The following ZBTB37 variants were observed in gnomAD, a reference collection of about 807,000 sequenced individuals.
ZBTB37 encodes the protein zinc finger and BTB domain-containing protein 37.
ZBTB37 carries 15 observed loss-of-function variants against 37.7 expected under a neutral mutation model. That is an observed-to-expected ratio of 0.40 (90% CI 0.27 to 0.61). ZBTB37 has a LOEUF of 0.61. Among genes scored for constraint, ZBTB37 ranks in the 20% least tolerant of loss-of-function variants. The pLI, the probability that ZBTB37 is intolerant of heterozygous loss-of-function variation, is 0.44. For synonymous variants in ZBTB37, 231 were observed against 220.6 expected, an observed-to-expected ratio of 1.05 and a Z score of -0.42; for missense variants, 514 against 641.9, an observed-to-expected ratio of 0.80 and a Z score of 2.15.
At chr1:173,880,899 G>A (rs955602177) in intron 4 of ZBTB37, among the ~76,000 whole-genome samples, 1 of 151,794 alleles carries the variant, frequency 6.6e-6, no homozygotes, top group African/African-American at 2.4e-5. Flanking sequence ...TCTGCATGTG[G>A]ATAATACTGG....
chr1:173,878,970 A>G (rs1656138053), intron 4 of ZBTB37, among the ~76,000 whole-genome samples: 1 of 152,000 alleles, frequency 6.6e-6, no homozygotes, highest in African/African-American at 2.4e-5. Flanking sequence ...GGGTGCCTGT[A>G]ATCCCAGATA....
chr1:173,871,076 T>C (rs765434235), exon 3 of ZBTB37: 4 of 1,613,992 alleles, frequency 2.5e-6, no homozygotes, highest in Non-Finnish European at 1.7e-6. Context: ...CATGGTTCTG[T>C]AGGACAGGAA....
chr1:173,875,330 A>ATATATATATATAT (rs1399968929), intron 4 of ZBTB37, among the ~76,000 whole-genome samples: 1 of 122,474 alleles, frequency 8.2e-6, no homozygotes, highest in African/African-American at 3.9e-5. Flanking sequence ...ATATATATAT[A>ATATATATATATAT]TTTTTTTTTT....
intron 4 of ZBTB37, among the ~76,000 whole-genome samples, chr1:173,883,171 T>C (rs1461615746): frequency 6.6e-6 from 1 of 152,180 alleles, no homozygotes; most frequent in Non-Finnish European, 1.5e-5. Context: ...AAAGTTACCA[T>C]TGTATTTAGA....
chr1:173,875,637 A>G (rs1353143140), intron 4 of ZBTB37, among the ~76,000 whole-genome samples: 2 of 151,412 alleles, frequency 1.3e-5, no homozygotes, highest in African/African-American at 4.9e-5. Flanking sequence ...TGCATTATAT[A>G]TTTGTAAACA....
intron 3 of ZBTB37, among the ~76,000 whole-genome samples, chr1:173,872,756 C>T (rs1236876297): frequency 2.0e-5 from 3 of 152,020 alleles, no homozygotes; most frequent in Admixed American, 6.6e-5. Context: ...ACCTGTGATC[C>T]CAGCACTTTG....
chr1:173,876,213 C>G (rs1258630164), intron 4 of ZBTB37, among the ~76,000 whole-genome samples: 1 of 151,814 alleles, frequency 6.6e-6, no homozygotes, highest in African/African-American at 2.4e-5. Context: ...AACATTTTTG[C>G]CTTTAAAAAG....
intron 4 of ZBTB37, among the ~76,000 whole-genome samples, chr1:173,882,896 T>A (rs969765340): frequency 3.3e-5 from 5 of 152,212 alleles, no homozygotes; most frequent in Admixed American, 2.6e-4. Context: ...ATAAATAATA[T>A]GAATTTGTAA....
chr1:173,901,139 T>A (rs1657242684), exon 4 of ZBTB37: 1 of 152,148 alleles, frequency 6.6e-6, no homozygotes, highest in Non-Finnish European at 1.5e-5. Flanking sequence ...CTCTTAAACC[T>A]CTAGGAAATC....
chr1:173,879,919 C>G (rs970815960), intron 4 of ZBTB37, among the ~76,000 whole-genome samples: 4 of 152,186 alleles, frequency 2.6e-5, no homozygotes, highest in Non-Finnish European at 5.9e-5. Context: ...CTACTGCACT[C>G]CAGCCTGGGC....
intron 4 of ZBTB37, among the ~76,000 whole-genome samples, chr1:173,877,359 T>A (rs1169827446): frequency 6.7e-6 from 1 of 149,262 alleles, no homozygotes; most frequent in East Asian, 2.0e-4. Context: ...GAAAGTGTTG[T>A]CAAGATTTTC....
In ZBTB37 at chr1:173,882,237, C is replaced by CTTT. The variant is rs1160364347; in HGVS notation, c.1024-3379_1024-3377dup. 3.1e-3 allele frequency among the ~76,000 whole-genome samples: 273 copies of CTTT among 87,962 alleles called. 1 individual carries two copies. Among genetic ancestry groups the CTTT allele is most frequent in the African/African-American group, 3.6e-3 (75 of 20,924 alleles). The allele number at this position is 87,962 out of a possible 152,430, so 57.7% of individuals were successfully genotyped here. On this transcript the variant is annotated intron_variant, in intron 4 of 4. Transcript: ENST00000427304. Reference sequence around the variant, plus strand: ...TGCCTATTCACTCTGATGGTAGTTTCTTTTTTTTTTTTTTTTTTTTTTGAG... The same window carrying CTTT: ...TGCCTATTCACTCTGATGGTAGTTTCTTTTTTTTTTTTTTTTTTTTTTTTTGAG...
chr1:173,882,267 A>G, intron 4 of ZBTB37, among the ~76,000 whole-genome samples: 1 of 112,348 alleles, frequency 8.9e-6, no homozygotes, highest in East Asian at 2.8e-4. Context: ...TTTGAGACAG[A>G]GTCTGGCTCT....
chr1:173,877,392 T>TC (rs1656042668), intron 4 of ZBTB37, among the ~76,000 whole-genome samples: 1 of 143,570 alleles, frequency 7.0e-6, no homozygotes, highest in Non-Finnish European at 1.5e-5. Flanking sequence ...TTTTTTTTTT[T>TC]TTTTTCCGAG....
At chr1:173,869,523 A>G (rs1655360307) in intron 2 of ZBTB37, among the ~76,000 whole-genome samples, 1 of 152,260 alleles carries the variant, frequency 6.6e-6, no homozygotes, top group African/African-American at 2.4e-5. Context: ...CGAATTTGGC[A>G]GATTTACCCA....
intron 4 of ZBTB37, among the ~76,000 whole-genome samples, chr1:173,882,439 A>G (rs1656382211): frequency 6.6e-6 from 1 of 151,730 alleles, no homozygotes; most frequent in Admixed American, 6.6e-5. Context: ...ACAGGGTTTC[A>G]CCATATTAGC....
downstream of ZBTB37, chr1:173,886,833 A>G (rs532685808): frequency 6.6e-6 from 1 of 152,436 alleles, no homozygotes; most frequent in South Asian, 2.1e-4. Context: ...GTACTGCTAC[A>G]TTTGGGGGGC....
intron 4 of ZBTB37, 134 bp downstream of exon 4, chr1:173,873,700 C>T (rs1655721560): frequency 2.9e-6 from 4 of 1,375,970 alleles, no homozygotes; most frequent in Non-Finnish European, 3.8e-6. Context: ...TATTTTTTTT[C>T]CCTGAGGGTA....
In ZBTB37 at chr1:173,870,772, G is replaced by C. The variant is rs756381370; in HGVS notation, c.547G>C (p.Asp183His). 2.5e-6 allele frequency: 4 copies of C among 1,614,188 alleles called. No individual in the cohort carries two copies. In the South Asian group the frequency reaches 4.4e-5, roughly 18 times the overall value. ...GCGAGGTCAGGTTAGTGCTGTGCTG[G>C]ATATCAGAGAGCTAAGTCCTCCTGA... Residue 183 changes from aspartate to histidine, a missense_variant, in exon 3 of 5, where the codon GAT becomes CAT. Asp to His is a moderately conservative substitution (Grantham distance 81). This residue lies in a region of ZBTB37 where 323 missense variants were observed against 321.9 expected (regional missense o/e 1.00). Transcript: ENST00000427304.
Sources: gnomAD v4.1 joint callset for allele counts (sites outside exome capture counted in the v4.1 genomes callset) on GRCh38, gnomAD v4.1.1 for gene constraint, gnomAD v4.1.1 regional missense constraint, MANE v1.5 for transcripts, NCBI Gene and HGNC (gene_info 2026-07-23, HGNC 2026-07-21) for gene names.